PARM1: variants seen among roughly 807,000 people sequenced by gnomAD.
The protein encoded by PARM1 is WSC4, cell wall integrity and stress response component 4 homolog.
PARM1 carries 14 observed loss-of-function variants against 24.6 expected under a neutral mutation model. That is an observed-to-expected ratio of 0.57 (90% confidence interval 0.38 to 0.89). PARM1 has a LOEUF of 0.89. Among genes scored for constraint, PARM1 ranks in the 40% least tolerant of loss-of-function variants. The pLI, the probability that PARM1 is intolerant of heterozygous loss-of-function variation, is 0.00. For synonymous variants in PARM1, 179 were observed against 156.6 expected (o/e 1.14, Z -1.07); for missense variants, 362 against 380.4 (o/e 0.95, Z 0.40).
At chr4:74,934,033 T>C (rs772681723) in intron 1 of PARM1, among the ~76,000 whole-genome samples, 3 of 152,046 alleles carry the variant, frequency 2.0e-5, no homozygotes, top group Non-Finnish European at 2.9e-5. Context: ...TTAACTTGGC[T>C]AAACTAGCAT....
chr4:74,983,883 G>A (rs980669617), intron 1 of PARM1, among the ~76,000 whole-genome samples: 4 of 151,922 alleles, frequency 2.6e-5, no homozygotes, highest in African/African-American at 9.7e-5. Flanking sequence ...TTTAGAGATG[G>A]TGGTCTCGCT....
Position 75,046,554 on chromosome 4 carries a change from C to T in PARM1, c.*307C>T, listed in dbSNP as rs3796683. ...ACTGCAGGACCCACTTTGAGAAGGACCGAGGAGGAGGATTTGGGTTGTTTT... is the reference window on the plus strand; with the variant it reads ...ACTGCAGGACCCACTTTGAGAAGGATCGAGGAGGAGGATTTGGGTTGTTTT... On this transcript the variant is annotated 3_prime_UTR_variant, in exon 4 of 4. Coordinates refer to ENST00000307428, the MANE Select transcript of PARM1 (RefSeq NM_015393.4). 0.14 allele frequency: 32,046 copies of T among 234,154 alleles called. 3,722 individuals carry two copies. The highest frequency in any genetic ancestry group is 0.36 in the African/African-American group (16,037 of 44,336). 14.5% of individuals were successfully genotyped at this position (234,154 alleles called of 1,614,324 possible). A position where few individuals can be genotyped will look rare whatever the true frequency, so the allele number is the denominator to read the frequency against.
At position 74,988,516 on chromosome 4, in the gene PARM1, G is replaced by A. The variant is rs188405440; in HGVS notation, c.44-23909G>A. Among the ~76,000 whole-genome samples the A allele has an allele frequency of 3.4e-3, 519 of 152,312 alleles. 6 individuals carry two copies. Among genetic ancestry groups the A allele is most frequent in the African/African-American group, 0.012 (483 of 41,568 alleles). ...ACCATAACTCAGTAAACTCTGTAGC[G>A]TGGAACTTTCCACATCATTGGTGCT... On this transcript the variant is annotated intron_variant, in intron 1 of 3. Transcript: ENST00000307428.
intron 3 of PARM1, among the ~76,000 whole-genome samples, chr4:75,044,889 C>A (rs1466622775): frequency 1.3e-5 from 2 of 152,156 alleles, no homozygotes; most frequent in African/African-American, 2.4e-5. Flanking sequence ...GAAACTCCCC[C>A]TTACAGAACC....
intron 1 of PARM1, among the ~76,000 whole-genome samples, chr4:74,983,586 T>C (rs1361739213): frequency 3.9e-5 from 6 of 152,216 alleles, no homozygotes; most frequent in Non-Finnish European, 8.8e-5. Context: ...TTCTCTCTAC[T>C]GTAGCTTCTG....
At chr4:75,042,908 T>G (rs1723525364) in intron 3 of PARM1, among the ~76,000 whole-genome samples, 1 of 150,782 alleles carries the variant, frequency 6.6e-6, no homozygotes, top group Non-Finnish European at 1.5e-5. Context: ...TCCTCACTTA[T>G]CAGCATTTTA....
intron 1 of PARM1, among the ~76,000 whole-genome samples, chr4:74,986,286 G>C (rs1722354265): frequency 6.6e-6 from 1 of 152,114 alleles, no homozygotes; most frequent in Admixed American, 6.6e-5. Context: ...CAGTACGAAA[G>C]GCAAAACACA....
At chr4:74,964,642 T>C (rs1004347765) in intron 1 of PARM1, among the ~76,000 whole-genome samples, 1 of 152,142 alleles carries the variant, frequency 6.6e-6, no homozygotes, top group South Asian at 2.1e-4. Flanking sequence ...ACTTCATTTT[T>C]ATTATTATGT....
chr4:74,961,791 C>T (rs1721780068), intron 1 of PARM1, among the ~76,000 whole-genome samples: 1 of 152,154 alleles, frequency 6.6e-6, no homozygotes, highest in African/African-American at 2.4e-5. Flanking sequence ...TATGTTACCA[C>T]TAGACCTGCC....
At chr4:74,951,197 T>C (rs1220563779) in intron 1 of PARM1, among the ~76,000 whole-genome samples, 3 of 152,190 alleles carry the variant, frequency 2.0e-5, no homozygotes, top group Non-Finnish European at 2.9e-5. Flanking sequence ...TATACTATGT[T>C]AGAGACAAAT....
chr4:74,978,539 T>G (rs1722181686), intron 1 of PARM1, among the ~76,000 whole-genome samples: 1 of 152,202 alleles, frequency 6.6e-6, no homozygotes, highest in Non-Finnish European at 1.5e-5. Flanking sequence ...ACTGTCATTA[T>G]GAGATAGATC....
rs377411929 is a variant in PARM1, at chr4:74,964,577, A to ACACACACACACT, written c.43+31209_43+31210insCACACACACTCA. Reference sequence around the variant, plus strand: ...AGCACACACACACACACACACACACACATTGCATCCTTCCTTGATCTTTTG... The same window carrying ACACACACACACT: ...AGCACACACACACACACACACACACACACACACACACTCATTGCATCCTTCCTTGATCTTTTG... On this transcript the variant is annotated intron_variant, in intron 1 of 3. Coordinates refer to ENST00000307428, the MANE Select transcript of PARM1 (RefSeq NM_015393.4). 1.0e-3 allele frequency among the ~76,000 whole-genome samples: 155 copies of ACACACACACACT among 152,044 alleles called. 1 individual carries two copies. The highest frequency in any genetic ancestry group is 3.3e-3 in the African/African-American group (138 of 41,386).
intron 1 of PARM1, among the ~76,000 whole-genome samples, chr4:74,991,591 T>C (rs574157242): frequency 7.9e-5 from 12 of 152,292 alleles, no homozygotes; most frequent in Admixed American, 5.9e-4. Context: ...CGCATACTTA[T>C]GTAGAAACAT....
chr4:75,012,064 C>A (rs187186214), intron 1 of PARM1, among the ~76,000 whole-genome samples: 67 of 152,270 alleles, frequency 4.4e-4, no homozygotes, highest in Non-Finnish European at 7.6e-4. Flanking sequence ...GTGGAGTTGG[C>A]TGCTCGGCAG....
intron 1 of PARM1, among the ~76,000 whole-genome samples, chr4:74,950,842 A>ATT (rs1409270811): frequency 3.6e-5 from 5 of 140,020 alleles, no homozygotes; most frequent in African/African-American, 1.0e-4. Flanking sequence ...TTGGAGGGGG[A>ATT]TTTTTTTTTT....
intron 1 of PARM1, among the ~76,000 whole-genome samples, chr4:74,941,491 T>C (rs1209202307): frequency 6.6e-6 from 1 of 152,160 alleles, no homozygotes; most frequent in African/African-American, 2.4e-5. Context: ...GGATTAAAAT[T>C]ATTTTGGAGT....
intron 1 of PARM1, among the ~76,000 whole-genome samples, chr4:74,996,715 T>C (rs1578043938): frequency 6.6e-6 from 1 of 152,190 alleles, no homozygotes; most frequent in Non-Finnish European, 1.5e-5. Flanking sequence ...TTTATGTAGA[T>C]TGATTGTTTT....
chr4:74,933,445 G>T (rs905068403), intron 1 of PARM1, 75 bp downstream of exon 1: 17 of 1,335,292 alleles, frequency 1.3e-5, no homozygotes, highest in Non-Finnish European at 1.7e-5. Context: ...CGGGGCTGAA[G>T]CTAGGAGATC....
At chr4:74,933,816 G>A (rs956982759) in intron 1 of PARM1, among the ~76,000 whole-genome samples, 14 of 152,188 alleles carry the variant, frequency 9.2e-5, no homozygotes, top group African/African-American at 3.4e-4. Context: ...GAAGGCTTCA[G>A]CAGCGGCTGC....
Sources: gnomAD v4.1 joint callset for allele counts (sites outside exome capture counted in the v4.1 genomes callset) on GRCh38, gnomAD v4.1.1 for gene constraint, MANE v1.5 for transcripts, NCBI Gene and HGNC (gene_info 2026-07-23, HGNC 2026-07-21) for gene names.